Variants in ADAM10 observed in about 807,000 individuals in gnomAD.
ADAM10 encodes disintegrin and metalloproteinase domain-containing protein 10.
In ADAM10, 17 loss-of-function variants were observed where a neutral mutation model predicts 90.1. The observed-to-expected ratio is 0.19, with a 90% confidence interval of 0.13 to 0.28. The LOEUF (loss-of-function observed/expected upper bound fraction) is 0.28, where lower values mean the gene tolerates loss of function less well. Among genes scored for constraint, ADAM10 ranks in the 10% least tolerant of loss-of-function variants. The pLI is 1.00. For missense variants in ADAM10, 610 were observed against 914.3 expected, an observed-to-expected ratio of 0.67 and a Z score of 4.29; for synonymous variants, 310 against 298.6, an observed-to-expected ratio of 1.04 and a Z score of -0.40.
chr15:58,717,719 C>T lies in ADAM10; in HGVS notation c.64G>A (p.Gly22Arg). The stretch of plus-strand genomic sequence containing the variant: ...CTGATATATTTATTTAAAGGATTCC[C>T]ATACTGACCTATAAAAAAAAAACAA... ...SWAAGMGGQY[G>R]NPLNKYIRHY... Residue 22 changes from glycine to arginine, a missense_variant, in exon 2 of 16, where the codon GGG (glycine) becomes AGG (arginine). Gly to Arg is a moderately radical substitution (Grantham distance 125, BLOSUM62 -2). Coordinates refer to ENST00000260408, the MANE Select transcript of ADAM10 (RefSeq NM_001110.4). 6.2e-7 allele frequency: 1 copy of T among 1,611,608 alleles called. No homozygotes were observed. The highest frequency in any genetic ancestry group is 8.5e-7 in the Non-Finnish European group (1 of 1,179,196).
chr15:58,679,557 C>T (rs903354357), intron 3 of ADAM10, among the ~76,000 whole-genome samples: 1 of 152,232 alleles, frequency 6.6e-6, no homozygotes, highest in Admixed American at 6.5e-5. Flanking sequence ...TTGTTACCAA[C>T]CACATTCCTT....
intron 4 of ADAM10, among the ~76,000 whole-genome samples, chr15:58,667,193 T>C (rs1897099276): frequency 6.6e-6 from 1 of 152,172 alleles, no homozygotes; most frequent in African/African-American, 2.4e-5. Flanking sequence ...AAAGATCAGC[T>C]TTAGATCTAT....
At chr15:58,663,873 C>T (rs1897022400) in intron 5 of ADAM10, among the ~76,000 whole-genome samples, 2 of 151,970 alleles carry the variant, frequency 1.3e-5, no homozygotes, top group South Asian at 4.1e-4. Context: ...TAAATAAATG[C>T]AACCTACTTT....
At chr15:58,690,736 T>C (rs1399257083) in intron 2 of ADAM10, among the ~76,000 whole-genome samples, 2 of 152,174 alleles carry the variant, frequency 1.3e-5, no homozygotes, top group Non-Finnish European at 2.9e-5. Flanking sequence ...TATAAACTCT[T>C]AATCTACTTC....
At chr15:58,688,886 T>C (rs1897691455) in intron 2 of ADAM10, among the ~76,000 whole-genome samples, 1 of 146,760 alleles carries the variant, frequency 6.8e-6, no homozygotes, top group East Asian at 2.0e-4. Context: ...TCTAACTTGA[T>C]GTACAGAGAG....
chr15:58,675,282 T>C (rs1235001380), intron 4 of ADAM10, among the ~76,000 whole-genome samples: 1 of 152,220 alleles, frequency 6.6e-6, no homozygotes, highest in African/African-American at 2.4e-5. Flanking sequence ...TAAATTATTC[T>C]GCAGCTCTTC....
rs12899638 is a variant in ADAM10, at chr15:58,628,076, G to A, written c.1177-193C>T. ...TTTAGGGGTCACTGTCTTAGAAAAG[G>A]AGGAAAATCAGTGGAGGTCTAGCCA... is the stretch of plus-strand genomic sequence containing the variant. On this transcript the variant is annotated intron_variant, in intron 9 of 15. Coordinates refer to ENST00000260408, the MANE Select transcript of ADAM10 (RefSeq NM_001110.4). Among the ~76,000 whole-genome samples the A allele has an allele frequency of 0.5, 76,057 of 152,014 alleles. 22,048 individuals carry two copies. Among genetic ancestry groups the A allele is most frequent in the East Asian group, 0.93 (4,833 of 5,190 alleles).
At position 58,634,049 on chromosome 15, in the gene ADAM10, G is replaced by A. The variant is rs148187747; in HGVS notation, c.1013-690C>T. Reference sequence around the variant, plus strand: ...ACCACTGCTGAGCGCAGTGGCTCACGCCTGTAATCCCAGCACTTTGGGAGG... The same window carrying A: ...ACCACTGCTGAGCGCAGTGGCTCACACCTGTAATCCCAGCACTTTGGGAGG... On this transcript the variant is annotated intron_variant, in intron 8 of 15. Coordinates refer to ENST00000260408, the MANE Select transcript of ADAM10 (RefSeq NM_001110.4). Among the ~76,000 whole-genome samples, 557 of 151,980 alleles carry A rather than the reference G, an allele frequency of 3.7e-3. 1 individual carries two copies. Among genetic ancestry groups the A allele is most frequent in the African/African-American group, 0.013 (523 of 41,470 alleles).
chr15:58,739,826 A>T (rs1466559196), intron 1 of ADAM10, among the ~76,000 whole-genome samples: 1 of 152,226 alleles, frequency 6.6e-6, no homozygotes, highest in Non-Finnish European at 1.5e-5. Context: ...TAATGAGACT[A>T]TTTCCATAAT....
intron 1 of ADAM10, 69 bp downstream of exon 1, chr15:58,749,411 G>A: frequency 3.5e-6 from 5 of 1,434,580 alleles, no homozygotes; most frequent in Non-Finnish European, 4.6e-6. Flanking sequence ...GGCGCGACTG[G>A]GCTCCGCTCG....
chr15:58,634,177 G>A (rs1896184681), intron 8 of ADAM10, among the ~76,000 whole-genome samples: 1 of 151,800 alleles, frequency 6.6e-6, no homozygotes, highest in South Asian at 2.1e-4. Context: ...TGGGTGTGGT[G>A]GTGCACACCT....
intron 2 of ADAM10, chr15:58,686,482 G>A (rs1448367406): frequency 5.7e-6 from 8 of 1,403,298 alleles, no homozygotes; most frequent in African/African-American, 4.2e-5. Context: ...CTGGCGTGGA[G>A]AGGATCAATG....
intron 5 of ADAM10, among the ~76,000 whole-genome samples, chr15:58,660,308 T>C (rs1034393605): frequency 6.6e-6 from 1 of 152,138 alleles, no homozygotes; most frequent in Non-Finnish European, 1.5e-5. Context: ...ATCCTCCTAC[T>C]TCAGCATCCT....
chr15:58,702,260 T>C (rs1348669270), intron 2 of ADAM10, among the ~76,000 whole-genome samples: 2 of 151,988 alleles, frequency 1.3e-5, no homozygotes, highest in Admixed American at 6.6e-5. Context: ...CTCATGAAGG[T>C]AGACAGCAGA....
chr15:58,664,966 G>C, intron 5 of ADAM10, 131 bp downstream of exon 5: 1 of 753,034 alleles, frequency 1.3e-6, no homozygotes, highest in Non-Finnish European at 2.3e-6. Context: ...TGGCCTCTTT[G>C]AGCATTAAAA....
intron 1 of ADAM10, among the ~76,000 whole-genome samples, chr15:58,719,050 G>A (rs773790912): frequency 5.9e-5 from 9 of 152,324 alleles, no homozygotes; most frequent in South Asian, 2.1e-4. Flanking sequence ...TTCGCTGGGC[G>A]TGGTGGCTCA....
At chr15:58,702,390 G>A (rs939368754) in intron 2 of ADAM10, among the ~76,000 whole-genome samples, 2 of 152,130 alleles carry the variant, frequency 1.3e-5, no homozygotes, top group African/African-American at 2.4e-5. Flanking sequence ...ATGTTTGATA[G>A]CAGAGTAGGG....
At chr15:58,636,836 A>G (rs1458103510) in intron 8 of ADAM10, among the ~76,000 whole-genome samples, 2 of 152,234 alleles carry the variant, frequency 1.3e-5, no homozygotes, top group Admixed American at 1.3e-4. Context: ...TAGCATGCTG[A>G]TCATACAATA....
intron 11 of ADAM10, among the ~76,000 whole-genome samples, chr15:58,619,302 G>A (rs1895710354): frequency 6.6e-6 from 1 of 152,192 alleles, no homozygotes; most frequent in Non-Finnish European, 1.5e-5. Flanking sequence ...AGGTTAGAGA[G>A]TAGAATGGTG....
Sources: gnomAD v4.1 joint callset for allele counts (sites outside exome capture counted in the v4.1 genomes callset) on GRCh38, gnomAD v4.1.1 for gene constraint, MANE v1.5 for transcripts, NCBI Gene and HGNC (gene_info 2026-07-23, HGNC 2026-07-21) for gene names.